Variants in UVRAG observed in about 807,000 individuals in gnomAD.
UVRAG encodes the protein UV radiation resistance associated.
Under a neutral mutation model 78.0 loss-of-function variants are expected in UVRAG, and 19 were observed. That is an observed-to-expected ratio of 0.24 (90% confidence interval 0.17 to 0.36). UVRAG has a LOEUF of 0.36. Ranked by LOEUF, UVRAG falls within the 10% of genes least tolerant of loss-of-function variation. UVRAG has a pLI of 1.00. For synonymous variants in UVRAG, 323 were observed against 324.6 expected (o/e 1.00, Z 0.05); for missense variants, 740 against 853.8 (o/e 0.87, Z 1.66).
At chr11:76,138,702 G>A (rs1952643429) in intron 14 of UVRAG, among the ~76,000 whole-genome samples, 1 of 152,226 alleles carries the variant, frequency 6.6e-6, no homozygotes, top group Non-Finnish European at 1.5e-5. Context: ...CCTGGCTCTA[G>A]CCACACACCA....
intron 5 of UVRAG, among the ~76,000 whole-genome samples, chr11:75,908,526 T>C (rs1437573419): frequency 6.6e-6 from 1 of 152,184 alleles, no homozygotes; most frequent in Non-Finnish European, 1.5e-5. Context: ...TTTATATCTG[T>C]ATTCATAAAG....
At chr11:75,897,748 T>C (rs551714799) in intron 5 of UVRAG, among the ~76,000 whole-genome samples, 34 of 152,096 alleles carry the variant, frequency 2.2e-4, no homozygotes, top group African/African-American at 8.2e-4. Flanking sequence ...GGTCTCGAAC[T>C]CCTGACCTCA....
Position 75,874,671 on chromosome 11 carries a change from A to T in UVRAG, c.271-5208A>T, listed in dbSNP as rs535784483. On this transcript the variant is annotated intron_variant, in intron 3 of 14. Coordinates refer to ENST00000356136, the MANE Select transcript of UVRAG (RefSeq NM_003369.4). Reference sequence around the variant, plus strand: ...CTCTATGCCCTTTTTATCTATTATTAATACTTTATATAGTGACTGTCACTA... The same window carrying T: ...CTCTATGCCCTTTTTATCTATTATTTATACTTTATATAGTGACTGTCACTA... Among the ~76,000 whole-genome samples, 3 of 152,326 alleles carry T rather than the reference A, an allele frequency of 2.0e-5. No homozygotes were observed. The South Asian group carries it at 6.2e-4, about 32-fold the overall frequency.
intron 13 of UVRAG, among the ~76,000 whole-genome samples, chr11:76,112,730 CTT>C (rs10686022): frequency 4.3e-5 from 6 of 139,278 alleles, no homozygotes; most frequent in Admixed American, 7.0e-5. Flanking sequence ...TTTTTCTTTT[CTT>C]TTTTTTTTTT....
At chr11:76,016,301 T>C (rs370171918) in intron 11 of UVRAG, among the ~76,000 whole-genome samples, 3 of 152,312 alleles carry the variant, frequency 2.0e-5, no homozygotes, top group Admixed American at 2.0e-4. Flanking sequence ...TGTAACCCTG[T>C]CTTTTTCAAT....
chr11:75,906,290 C>T (rs2135005961), intron 5 of UVRAG, among the ~76,000 whole-genome samples: 1 of 151,762 alleles, frequency 6.6e-6, no homozygotes, highest in African/African-American at 2.4e-5. Context: ...TATATAAACC[C>T]CTGTGTTTTC....
chr11:76,027,018 A>C (rs1950338082), intron 12 of UVRAG, among the ~76,000 whole-genome samples: 1 of 152,074 alleles, frequency 6.6e-6, no homozygotes, highest in Admixed American at 6.6e-5. Flanking sequence ...GTGTTTTAGA[A>C]CCAGTCGGAA....
intron 11 of UVRAG, among the ~76,000 whole-genome samples, chr11:76,010,144 G>A (rs1950024560): frequency 6.6e-6 from 1 of 152,156 alleles, no homozygotes; most frequent in Admixed American, 6.5e-5. Context: ...GTGGTATCTT[G>A]AAGCCCATGG....
chr11:76,012,442 A>C (rs1439503129), intron 11 of UVRAG, among the ~76,000 whole-genome samples: 2 of 152,170 alleles, frequency 1.3e-5, no homozygotes, highest in Non-Finnish European at 2.9e-5. Context: ...GATTCGTATA[A>C]TTCTTGCCAC....
At chr11:76,096,547 T>G (rs1359030153) in intron 13 of UVRAG, among the ~76,000 whole-genome samples, 1 of 152,184 alleles carries the variant, frequency 6.6e-6, no homozygotes, top group Non-Finnish European at 1.5e-5. Context: ...AAGCCTGGGC[T>G]AAATTAAGTG....
chr11:75,965,498 G>T (rs1949003684), intron 7 of UVRAG, among the ~76,000 whole-genome samples: 1 of 152,104 alleles, frequency 6.6e-6, no homozygotes, highest in Admixed American at 6.6e-5. Flanking sequence ...AATATTTTTA[G>T]TAGAGACGGG....
At chr11:75,872,368 A>T (rs537956169) in intron 3 of UVRAG, among the ~76,000 whole-genome samples, 1 of 148,284 alleles carries the variant, frequency 6.7e-6, no homozygotes, top group African/African-American at 2.5e-5. Context: ...CCTTCCTCGT[A>T]TACAAAAGTG....
intron 14 of UVRAG, among the ~76,000 whole-genome samples, chr11:76,124,029 G>A (rs775713579): frequency 2.4e-4 from 37 of 152,220 alleles, no homozygotes; most frequent in Non-Finnish European, 4.4e-4. Flanking sequence ...CTCCCAAAGT[G>A]CTGGGATTAC....
intron 1 of UVRAG, among the ~76,000 whole-genome samples, chr11:75,822,499 C>G (rs544702473): frequency 6.6e-6 from 1 of 152,232 alleles, no homozygotes; most frequent in East Asian, 1.9e-4. Context: ...AAGGCTCAGA[C>G]CCATAAAACT....
intron 8 of UVRAG, among the ~76,000 whole-genome samples, chr11:76,002,405 C>T (rs1949832258): frequency 1.3e-5 from 2 of 151,980 alleles, no homozygotes; most frequent in Non-Finnish European, 2.9e-5. Context: ...GAGGGGAGGT[C>T]ATGTAATAAC....
At chr11:76,030,936 C>A (rs948805425) in intron 12 of UVRAG, among the ~76,000 whole-genome samples, 4 of 152,062 alleles carry the variant, frequency 2.6e-5, no homozygotes, top group Admixed American at 2.6e-4. Flanking sequence ...AGTTATTTAT[C>A]CTTGTCTGAA....
intron 6 of UVRAG, among the ~76,000 whole-genome samples, chr11:75,951,187 T>A (rs1948689228): frequency 6.6e-6 from 1 of 152,112 alleles, no homozygotes; most frequent in Admixed American, 6.6e-5. Context: ...AATCTGTGTG[T>A]ATGAGGTGAG....
At chr11:75,840,253 C>T (rs1945881018) in intron 1 of UVRAG, among the ~76,000 whole-genome samples, 1 of 151,422 alleles carries the variant, frequency 6.6e-6, no homozygotes, top group Admixed American at 6.6e-5. Flanking sequence ...AGATCATATA[C>T]TCTGAAATTA....
intron 5 of UVRAG, among the ~76,000 whole-genome samples, chr11:75,903,164 A>G (rs1190049041): frequency 6.6e-6 from 1 of 151,264 alleles, no homozygotes; most frequent in Non-Finnish European, 1.5e-5. Context: ...TGGATTTTGA[A>G]CCCTCATTAT....
Sources: allele counts gnomAD v4.1 joint callset (sites outside exome capture counted in the v4.1 genomes callset), GRCh38; gene constraint gnomAD v4.1.1; transcripts MANE v1.5; gene names NCBI Gene and HGNC (gene_info 2026-07-23, HGNC 2026-07-21).